Variants in EXOC3 observed in about 807,000 individuals in gnomAD.
EXOC3 encodes the protein SEC6-like 1.
In EXOC3, 21 loss-of-function variants were observed where a neutral mutation model predicts 73.7. The ratio of observed to expected loss-of-function variants is 0.29; its 90% CI spans 0.20 to 0.41. The LOEUF (loss-of-function observed/expected upper bound fraction) is 0.41. Ranked by LOEUF, EXOC3 falls within the 10% of genes least tolerant of loss-of-function variation. The pLI is 1.00. For missense variants in EXOC3, 842 were observed against 985.1 expected (o/e 0.85, Z 1.95); for synonymous variants, 410 against 389.1 (o/e 1.05, Z -0.63).
At chr5:445,728 A>T (rs1737488285) in intron 1 of EXOC3, among the ~76,000 whole-genome samples, 1 of 151,838 alleles carries the variant, frequency 6.6e-6, no homozygotes, top group Non-Finnish European at 1.5e-5. Flanking sequence ...TGGTCGGGGG[A>T]GTTGTCCACG....
At chr5:446,430 C>T in intron 2 of EXOC3, 81 bp downstream of exon 2, 1 of 1,358,594 alleles carries the variant, frequency 7.4e-7, no homozygotes, top group East Asian at 2.5e-5. Flanking sequence ...TTTTGCTAAA[C>T]TAGCCTTTAT....
In EXOC3 at chr5:446,303, G is replaced by T. The variant is rs772915320; in HGVS notation, c.98G>T (p.Arg33Leu). 1.9e-6 allele frequency: 3 copies of T among 1,613,590 alleles called. No individual in the cohort carries two copies. The highest frequency in any genetic ancestry group is 1.7e-5 in the Admixed American group (1 of 59,978). Reference protein sequence around the residue: ...PDQLDKVEQYRRREARKKASV... With the variant: ...PDQLDKVEQYLRREARKKASV... Reference sequence around the variant, plus strand: ...CAGCTGGACAAGGTGGAGCAGTATCGCAGGAGAGAAGCGCGGAAGAAGGCC... The same window carrying T: ...CAGCTGGACAAGGTGGAGCAGTATCTCAGGAGAGAAGCGCGGAAGAAGGCC... The change falls in exon 2 of 13, where the codon CGC (arginine) becomes CTC (leucine). Residue 33 changes from arginine (R) to leucine (L), a missense_variant. Coordinates refer to ENST00000512944, the MANE Select transcript of EXOC3 (RefSeq NM_007277.5).
intron 3 of EXOC3, among the ~76,000 whole-genome samples, chr5:450,076 T>A (rs1482556779): frequency 6.6e-6 from 1 of 152,102 alleles, no homozygotes; most frequent in Non-Finnish European, 1.5e-5. Context: ...TGAAACCCCG[T>A]CTCTACTAAA....
At position 457,130 on chromosome 5, in the gene EXOC3, A is replaced by G. The variant is rs955933363; in HGVS notation, c.1164+124A>G. 7.2e-6 allele frequency: 5 copies of G among 695,178 alleles called. No individual in the cohort carries two copies. In the African/African-American group the frequency reaches 8.8e-5, roughly 12 times the overall value. The allele number at this position is 695,178 out of a possible 1,614,324, so 43.1% of individuals were successfully genotyped here. Reference sequence around the variant, plus strand: ...GTTGACTTCCTAGGATGCATTGCTCAGTTGCCCGGGCTCTGCTTCCAGGCC... The same window carrying G: ...GTTGACTTCCTAGGATGCATTGCTCGGTTGCCCGGGCTCTGCTTCCAGGCC... On this transcript the variant is annotated intron_variant, in intron 5 of 12. Coordinates refer to ENST00000512944, the MANE Select transcript of EXOC3 (RefSeq NM_007277.5).
At chr5:450,579 C>A (rs921345687) in intron 3 of EXOC3, among the ~76,000 whole-genome samples, 7 of 152,136 alleles carry the variant, frequency 4.6e-5, no homozygotes, top group African/African-American at 1.7e-4. Context: ...CCTCTCTTTC[C>A]TTGTTTAGCT....
chr5:457,331 T>A, intron 5 of EXOC3: 1 of 330,154 alleles, frequency 3.0e-6, no homozygotes, highest in Non-Finnish European at 5.7e-6. Flanking sequence ...GTCCCATGGT[T>A]GGGGGGGTCC....
intron 9 of EXOC3, chr5:462,642 A>G (rs551326468): frequency 1.5e-4 from 40 of 263,856 alleles, no homozygotes; most frequent in Non-Finnish European, 1.2e-4. Context: ...CCTCACATAG[A>G]TCAGTTTCGC....
In EXOC3 at chr5:450,106, C is replaced by T. The variant is rs377315339; in HGVS notation, c.364+2354C>T. Among the ~76,000 whole-genome samples, 783 of 152,168 alleles carry T rather than the reference C, an allele frequency of 5.1e-3. 6 individuals are homozygous for T. The highest frequency in any genetic ancestry group is 0.012 in the South Asian group (58 of 4,808). ...ACTAAAAATATAAAAATTAGCCGGGCGTGGTGGCAGGCGCCTGTAATCCCA... is the reference window on the plus strand; with the variant it reads ...ACTAAAAATATAAAAATTAGCCGGGTGTGGTGGCAGGCGCCTGTAATCCCA... On this transcript the variant is annotated intron_variant, in intron 3 of 12. Transcript: ENST00000512944.
chr5:451,686 C>T (rs1162824977), intron 3 of EXOC3, among the ~76,000 whole-genome samples: 3 of 152,208 alleles, frequency 2.0e-5, no homozygotes, highest in Admixed American at 1.3e-4. Flanking sequence ...TGCTCTCTAG[C>T]ATTCTTTCTT....
At chr5:465,607 G>C in intron 11 of EXOC3, 111 bp from the exon 12 acceptor site, 1 of 1,355,090 alleles carries the variant, frequency 7.4e-7, no homozygotes, top group Non-Finnish European at 1.0e-6. Flanking sequence ...ATCCTGAGGA[G>C]TCAGGTGAAG....
Position 465,114 on chromosome 5 carries a change from A to G in EXOC3, c.1780A>G (p.Met594Val), listed in dbSNP as rs757494046. 7 of 1,575,538 alleles carry G rather than the reference A, an allele frequency of 4.4e-6. No individual in the cohort carries two copies. Among genetic ancestry groups the G allele is most frequent in the East Asian group, 2.3e-5 (1 of 43,150 alleles). ...AKIKKPYKKRMTAEAHRRVVV... is the reference protein window; with the variant it reads ...AKIKKPYKKRVTAEAHRRVVV... ...CTGACCGCGCGTGTCTCCCCAGAGG[A>G]TGACGGCCGAGGCGCACCGGCGCGT... The change falls in exon 11 of 13, where the codon ATG becomes GTG. Residue 594 changes from methionine to valine, a missense_variant. Transcript: ENST00000512944.
intron 2 of EXOC3, 174 bp from the exon 3 acceptor site, chr5:447,359 A>G: frequency 3.5e-6 from 2 of 579,436 alleles, no homozygotes; most frequent in Non-Finnish European, 6.1e-6. Context: ...AGAAAAAGGT[A>G]CACTGTGAAT....
rs1167706761 is a variant in EXOC3, at chr5:453,954, C to G, written c.949C>G (p.Gln317Glu). The G allele has an allele frequency of 3.7e-6, 6 of 1,614,044 alleles. 1 individual carries two copies. The African/African-American group carries it at 4.0e-5, about 11-fold the overall frequency. Residue 317 changes from glutamine to glutamate, a missense_variant, in exon 4 of 13, where the codon CAA (glutamine) becomes GAA (glutamate). Transcript: ENST00000512944. ...IFKNLLNMYH[Q>E]ALSTRMQDLA... ...TAAGAACCTCCTGAACATGTACCAC[C>G]AAGCCCTGAGCACGCGGATGCAGGA... is the stretch of plus-strand genomic sequence containing the variant.
At chr5:459,656 C>T (rs77955022) in intron 7 of EXOC3, 197 bp downstream of exon 7, 71,121 of 474,512 alleles carry the variant, frequency 0.15, 6,502 homozygotes, top group Non-Finnish European at 0.19. Context: ...GTGGACCACA[C>T]ACCCCCTTGG....
At chr5:459,237 C>G in intron 6 of EXOC3, 122 bp from the exon 7 acceptor site, 20 of 239,080 alleles carry the variant, frequency 8.4e-5, no homozygotes, top group Non-Finnish European at 9.6e-5. Context: ...TTTTTTTTTT[C>G]TCTGAATTTG....
chr5:443,220 G>GGGCGGCGGGGGC lies in EXOC3; in HGVS notation c.-118_-107dup. 6.5e-6 allele frequency: 1 copy of GGGCGGCGGGGGC among 153,002 alleles called. No individual in the cohort carries two copies. The highest frequency in any genetic ancestry group is 1.7e-4 in the South Asian group (1 of 5,796). The allele number at this position is 153,002 out of a possible 1,614,324, so 9.5% of individuals were successfully genotyped here. ...GAGGCGGAGGCAGCGAAGGCGGAGG[G>GGGCGGCGGGGGC]GGCGGCGGGGGCGGCGGCGGCGGCG... On this transcript the variant is annotated 5_prime_UTR_variant, in exon 1 of 13. Coordinates refer to ENST00000512944, the MANE Select transcript of EXOC3 (RefSeq NM_007277.5).
At chr5:454,802 TTTC>T (rs199766693) in intron 4 of EXOC3, among the ~76,000 whole-genome samples, 1,843 of 152,200 alleles carry the variant, frequency 0.012, 12 homozygotes, top group Admixed American at 0.026. Flanking sequence ...TGTATTGGAA[TTTC>T]TTCTTCTTCT....
intron 7 of EXOC3, chr5:461,696 G>A (rs1409995407): frequency 1.5e-5 from 7 of 463,584 alleles, no homozygotes; most frequent in Middle Eastern, 5.8e-4. Flanking sequence ...TTAACTCCTG[G>A]GCTCAGGTGG....
chr5:447,162 T>C (rs1737533079), intron 2 of EXOC3: 1 of 170,298 alleles, frequency 5.9e-6, no homozygotes, highest in African/African-American at 2.4e-5. Context: ...CAAGACCTTT[T>C]AGGAACCTAG....
Sources: gnomAD v4.1 joint callset for allele counts (sites outside exome capture counted in the v4.1 genomes callset) on GRCh38, gnomAD v4.1.1 for gene constraint, MANE v1.5 for transcripts, NCBI Gene and HGNC (gene_info 2026-07-23, HGNC 2026-07-21) for gene names.